The following RNF11 variants were observed in gnomAD, a reference collection of about 807,000 sequenced individuals.
RNF11 encodes ring finger protein 11.
RNF11 carries 4 observed loss-of-function variants against 15.8 expected under a neutral mutation model. That is an observed-to-expected ratio of 0.25 (90% CI 0.12 to 0.58). The LOEUF (loss-of-function observed/expected upper bound fraction) is 0.58. Ranked by LOEUF, RNF11 falls within the 20% of genes least tolerant of loss-of-function variation. The pLI is 0.91. For synonymous variants in RNF11, 68 were observed against 72.3 expected, an observed-to-expected ratio of 0.94 and a Z score of 0.30; for missense variants, 139 against 194.4, an observed-to-expected ratio of 0.71 and a Z score of 1.70.
intron 1 of RNF11, among the ~76,000 whole-genome samples, chr1:51,242,538 T>A (rs1040931247): frequency 2.0e-5 from 3 of 152,204 alleles, no homozygotes; most frequent in Non-Finnish European, 4.4e-5. Context: ...TGGTTTATCC[T>A]GTAGAATGCA....
At chr1:51,253,831 T>C (rs1646892113) in intron 1 of RNF11, among the ~76,000 whole-genome samples, 1 of 152,174 alleles carries the variant, frequency 6.6e-6, no homozygotes, top group Non-Finnish European at 1.5e-5. Flanking sequence ...TGTATAAATT[T>C]TTTTAGGAAT....
intron 1 of RNF11, among the ~76,000 whole-genome samples, chr1:51,254,449 T>A (rs1646895079): frequency 1.3e-5 from 2 of 152,016 alleles, no homozygotes; most frequent in South Asian, 2.1e-4. Context: ...CATGCTTGGC[T>A]AATTTTTTTG....
intron 1 of RNF11, among the ~76,000 whole-genome samples, chr1:51,244,086 G>C (rs1646841556): frequency 6.6e-6 from 1 of 152,186 alleles, no homozygotes; most frequent in Non-Finnish European, 1.5e-5. Context: ...CCATTCTTAA[G>C]ACACTTTACC....
At position 51,236,280 on chromosome 1, in the gene RNF11, G is replaced by A. The variant is rs1646800683; in HGVS notation, c.-477G>A. 6.6e-6 allele frequency: 1 copy of A among 152,354 alleles called. No homozygotes were observed. Among genetic ancestry groups the A allele is most frequent in the Admixed American group, 6.5e-5 (1 of 15,278 alleles). 9.4% of individuals were successfully genotyped at this position (152,354 alleles called of 1,614,324 possible). A position where few individuals can be genotyped will look rare whatever the true frequency, so the allele number is the denominator to read the frequency against. On this transcript the variant is annotated 5_prime_UTR_variant, in exon 1 of 3. Transcript: ENST00000242719. ...CGCACGGCGCGATGACGCAGTGCCCGAGCCGGCCTCGTTCTGGCTGCCGCC... is the reference window on the plus strand; with the variant it reads ...CGCACGGCGCGATGACGCAGTGCCCAAGCCGGCCTCGTTCTGGCTGCCGCC...
In RNF11 at chr1:51,261,214, C is replaced by A. The variant is rs2148072253; in HGVS notation, c.124-8742C>A. ...GATTGAGGAGTACTAAAATTGAGAT[C>A]CACAGACCCTTTAAGGTCAGGGATA... is the stretch of plus-strand genomic sequence containing the variant. On this transcript the variant is annotated intron_variant, in intron 1 of 2. Coordinates refer to ENST00000242719, the MANE Select transcript of RNF11 (RefSeq NM_014372.5). Among the ~76,000 whole-genome samples the A allele has an allele frequency of 2.6e-5, 4 of 152,230 alleles. 1 individual carries two copies. The highest frequency in any genetic ancestry group is 6.8e-3 in the Middle Eastern group (2 of 294).
chr1:51,271,021 C>A, intron 2 of RNF11, 130 bp from the exon 3 acceptor site: 1 of 747,196 alleles, frequency 1.3e-6, no homozygotes. Context: ...CATGCTTTGG[C>A]AATAAGATGA....
intron 1 of RNF11, among the ~76,000 whole-genome samples, chr1:51,247,134 G>A (rs191989596): frequency 6.6e-6 from 1 of 152,042 alleles, no homozygotes; most frequent in African/African-American, 2.4e-5. Context: ...GTGAGAGTGA[G>A]GTGGTGAGAG....
intron 1 of RNF11, among the ~76,000 whole-genome samples, chr1:51,255,823 G>A (rs964737276): frequency 1.3e-5 from 2 of 152,068 alleles, no homozygotes; most frequent in African/African-American, 4.8e-5. Context: ...TGTTCCATTG[G>A]TCTATATGTC....
chr1:51,258,414 A>C (rs1052394658), intron 1 of RNF11, among the ~76,000 whole-genome samples: 2 of 152,216 alleles, frequency 1.3e-5, no homozygotes, highest in African/African-American at 4.8e-5. Flanking sequence ...AAAATGTTAT[A>C]TAATACACTA....
chr1:51,260,610 A>G (rs1328131672), intron 1 of RNF11, among the ~76,000 whole-genome samples: 1 of 152,224 alleles, frequency 6.6e-6, no homozygotes, highest in African/African-American at 2.4e-5. Context: ...AGAGTCTTTA[A>G]TTATGTAGGA....
intron 1 of RNF11, among the ~76,000 whole-genome samples, chr1:51,238,607 T>G (rs1646815713): frequency 6.6e-6 from 1 of 152,262 alleles, no homozygotes; most frequent in African/African-American, 2.4e-5. Flanking sequence ...CAGGGTAGTC[T>G]CTTAAAAATC....
At chr1:51,267,138 C>T (rs2148074667) in intron 1 of RNF11, among the ~76,000 whole-genome samples, 1 of 152,266 alleles carries the variant, frequency 6.6e-6, no homozygotes, top group Middle Eastern at 3.4e-3. Context: ...ACTGGGGAGG[C>T]TGCAGTGGGA....
chr1:51,261,732 G>C (rs1273652972), intron 1 of RNF11, among the ~76,000 whole-genome samples: 1 of 151,374 alleles, frequency 6.6e-6, no homozygotes, highest in Non-Finnish European at 1.5e-5. Flanking sequence ...CTGTTGCCCA[G>C]GCTGGAGTGC....
chr1:51,269,664 A>G (rs185320319), intron 1 of RNF11, among the ~76,000 whole-genome samples: 90 of 152,294 alleles, frequency 5.9e-4, no homozygotes, highest in African/African-American at 2.1e-3. Flanking sequence ...AGGTCTTGCT[A>G]TGTTGTCCAG....
At chr1:51,247,798 GTTAC>G (rs757760340) in intron 1 of RNF11, among the ~76,000 whole-genome samples, 2 of 152,102 alleles carry the variant, frequency 1.3e-5, no homozygotes, top group Non-Finnish European at 1.5e-5. Context: ...TAATTATCTT[GTTAC>G]TTAATCTAGA....
chr1:51,246,512 A>C (rs1311616792), intron 1 of RNF11, among the ~76,000 whole-genome samples: 1 of 151,440 alleles, frequency 6.6e-6, no homozygotes, highest in Non-Finnish European at 1.5e-5. Context: ...GGAAGGTATA[A>C]TGAGCTGTGA....
intron 1 of RNF11, among the ~76,000 whole-genome samples, chr1:51,257,278 T>C (rs148635885): frequency 3.3e-4 from 50 of 152,274 alleles, no homozygotes; most frequent in African/African-American, 1.0e-3. Flanking sequence ...TAAGACTTAT[T>C]AGGAGCAGAA....
chr1:51,269,890 C>A, intron 1 of RNF11, 66 bp from the exon 2 acceptor site: 1 of 1,426,714 alleles, frequency 7.0e-7, no homozygotes, highest in Non-Finnish European at 9.6e-7. Flanking sequence ...CTATCTCTGA[C>A]CAAAAAATAA....
intron 1 of RNF11, among the ~76,000 whole-genome samples, chr1:51,250,003 A>G (rs373870477): frequency 1.4e-4 from 21 of 152,164 alleles, no homozygotes; most frequent in African/African-American, 4.1e-4. Flanking sequence ...CTGTCAATCT[A>G]TCCTGTTGAT....
Sources: gnomAD v4.1 joint callset for allele counts (sites outside exome capture counted in the v4.1 genomes callset) on GRCh38, gnomAD v4.1.1 for gene constraint, MANE v1.5 for transcripts, NCBI Gene and HGNC (gene_info 2026-07-23, HGNC 2026-07-21) for gene names.